CPAMD8: variants seen among roughly 807,000 people sequenced by gnomAD.
CPAMD8 encodes C3 and PZP like alpha-2-macroglobulin domain containing 8.
A neutral mutation model predicts 224.7 loss-of-function variants in CPAMD8; 146 were observed. The ratio of observed to expected loss-of-function variants is 0.65; its 90% confidence interval spans 0.57 to 0.75. CPAMD8 has a LOEUF of 0.75. Among genes scored for constraint, CPAMD8 ranks in the 30% least tolerant of loss-of-function variants. The pLI, the probability that CPAMD8 is intolerant of heterozygous loss-of-function variation, is 0.00. For missense variants in CPAMD8, 2,301 were observed against 2,537.5 expected (o/e 0.91, Z 2.00); for synonymous variants, 966 against 1,044.6 (o/e 0.92, Z 1.45).
intron 19 of CPAMD8, among the ~76,000 whole-genome samples, chr19:16,952,639 T>C (rs1367939444): frequency 6.6e-6 from 1 of 152,128 alleles, no homozygotes; most frequent in East Asian, 1.9e-4. Flanking sequence ...ATCCCGCCAC[T>C]GCAGTCCAGC....
intron 3 of CPAMD8, among the ~76,000 whole-genome samples, chr19:17,012,056 G>T (rs1224131138): frequency 6.6e-6 from 1 of 151,812 alleles, no homozygotes; most frequent in East Asian, 1.9e-4. Context: ...GGCTTACTCT[G>T]TCGCCCAGGC....
chr19:17,006,447 C>A (rs907624097), intron 7 of CPAMD8, among the ~76,000 whole-genome samples: 1 of 151,362 alleles, frequency 6.6e-6, no homozygotes, highest in African/African-American at 2.4e-5. Flanking sequence ...CACTTGAACC[C>A]AAGAGGTAGA....
rs779764997 is a variant in CPAMD8 at position 16,928,007 on chromosome 19, A to G, written c.3370+2T>C. On this transcript the variant is annotated splice_donor_variant, in intron 25 of 41. Coordinates refer to ENST00000443236, the MANE Select transcript of CPAMD8 (RefSeq NM_015692.5). LOFTEE classifies it high-confidence loss of function. ...CCAAGCCAGGCTGTGGGACAGACGC[A>G]CCGATGATGGAGGCGGTGGCTCGCT... The G allele has an allele frequency of 1.2e-6, 2 of 1,606,852 alleles. No individual in the cohort carries two copies. Among genetic ancestry groups the G allele is most frequent in the South Asian group, 2.2e-5 (2 of 90,946 alleles).
intron 14 of CPAMD8, 119 bp downstream of exon 14, chr19:16,980,377 AC>A (rs1180156427): frequency 1.1e-6 from 1 of 876,576 alleles, no homozygotes; most frequent in East Asian, 2.6e-5. Context: ...GTCCCCTCTG[AC>A]CCAAGGCATG....
At chr19:16,958,380 T>G (rs2054541400) in intron 18 of CPAMD8, among the ~76,000 whole-genome samples, 1 of 152,236 alleles carries the variant, frequency 6.6e-6, no homozygotes. Context: ...TATTTGGTTT[T>G]CTGTTCCTGC....
intron 22 of CPAMD8, among the ~76,000 whole-genome samples, chr19:16,940,884 G>A (rs903951246): frequency 6.6e-6 from 1 of 152,182 alleles, no homozygotes; most frequent in Non-Finnish European, 1.5e-5. Flanking sequence ...GTCGGGAAAG[G>A]GATTTGGAGC....
chr19:16,894,737 G>C (rs2051892156), intron 41 of CPAMD8: 1 of 296,342 alleles, frequency 3.4e-6, no homozygotes, highest in Non-Finnish European at 6.9e-6. Context: ...ACACTACCCA[G>C]CAATACAAAA....
chr19:16,960,317 A>G (rs898643552), intron 18 of CPAMD8, among the ~76,000 whole-genome samples: 2 of 152,248 alleles, frequency 1.3e-5, no homozygotes. Flanking sequence ...ACACCCGCAG[A>G]CGTGTGTGCA....
intron 20 of CPAMD8, among the ~76,000 whole-genome samples, chr19:16,950,104 C>A (rs953391323): frequency 6.6e-6 from 1 of 151,986 alleles, no homozygotes; most frequent in African/African-American, 2.4e-5. Context: ...TCGAGACCAG[C>A]CTGGCCAACA....
At chr19:16,908,088 G>A (rs1370197888) in intron 29 of CPAMD8, among the ~76,000 whole-genome samples, 1 of 152,166 alleles carries the variant, frequency 6.6e-6, no homozygotes, top group Admixed American at 6.5e-5. Flanking sequence ...GCCAGGTACA[G>A]TGGCTCATGC....
intron 17 of CPAMD8, among the ~76,000 whole-genome samples, chr19:16,972,927 G>A (rs1298990832): frequency 2.0e-5 from 3 of 152,146 alleles, no homozygotes; most frequent in African/African-American, 7.2e-5. Context: ...CCAGCACTTC[G>A]GGAGGCTAAC....
intron 13 of CPAMD8, among the ~76,000 whole-genome samples, chr19:16,982,954 G>C (rs1264483009): frequency 6.6e-6 from 1 of 152,218 alleles, no homozygotes; most frequent in Non-Finnish European, 1.5e-5. Flanking sequence ...TCTCATGGTA[G>C]AGAATGAGTC....
chr19:16,986,456 A>C (rs1170802097), intron 13 of CPAMD8, among the ~76,000 whole-genome samples: 2 of 152,138 alleles, frequency 1.3e-5, no homozygotes, highest in Non-Finnish European at 2.9e-5. Context: ...CCTGAGGAGG[A>C]GGCCAGCACC....
intron 17 of CPAMD8, among the ~76,000 whole-genome samples, chr19:16,972,841 G>T (rs1397233743): frequency 1.3e-5 from 2 of 152,124 alleles, no homozygotes; most frequent in African/African-American, 4.8e-5. Context: ...ACTCATAAAT[G>T]AAATGTTATT....
At chr19:16,926,872 C>T (rs886349212) in intron 25 of CPAMD8, among the ~76,000 whole-genome samples, 9 of 152,190 alleles carry the variant, frequency 5.9e-5, no homozygotes, top group Admixed American at 2.0e-4. Context: ...GACTTGCTCT[C>T]GTGCCTCAGG....
chr19:16,929,717 A>G (rs1286452297), intron 23 of CPAMD8, among the ~76,000 whole-genome samples: 1 of 152,190 alleles, frequency 6.6e-6, no homozygotes, highest in East Asian at 1.9e-4. Context: ...TCTCTCTCTA[A>G]AAACAAAAAG....
chr19:16,893,551 C>T, intron 41 of CPAMD8: 1 of 478,086 alleles, frequency 2.1e-6, no homozygotes, highest in Non-Finnish European at 3.7e-6. Flanking sequence ...AAATAAATAC[C>T]ACCCCGGAGA....
chr19:17,026,702 G>C lies in CPAMD8; in HGVS notation c.-60C>G, dbSNP rs1213255857. 7.1e-6 allele frequency: 9 copies of C among 1,263,942 alleles called. No homozygotes were observed. The highest frequency in any genetic ancestry group is 8.9e-6 in the Non-Finnish European group (9 of 1,005,840). 78.3% of individuals were successfully genotyped at this position (1,263,942 alleles called of 1,614,324 possible). On this transcript the variant is annotated 5_prime_UTR_variant, in exon 1 of 42. Transcript: ENST00000443236. ...GGGGCCGGGCCAGGGCTGGGCCAGG[G>C]CCAGGGTCCGAGCGCGGCCGTCCTC...
chr19:16,943,351 T>C (rs1363966172), intron 22 of CPAMD8, among the ~76,000 whole-genome samples: 1 of 152,142 alleles, frequency 6.6e-6, no homozygotes, highest in African/African-American at 2.4e-5. Flanking sequence ...TCACGTTTTC[T>C]AGGTTTATCC....
Sources: allele counts gnomAD v4.1 joint callset (sites outside exome capture counted in the v4.1 genomes callset), GRCh38; gene constraint gnomAD v4.1.1; transcripts MANE v1.5; gene names NCBI Gene and HGNC (gene_info 2026-07-23, HGNC 2026-07-21).